The following NELL2 variants were observed in gnomAD, a reference collection of about 807,000 sequenced individuals.
The protein encoded by NELL2 is protein kinase C-binding protein NELL2.
Under a neutral mutation model 109.6 loss-of-function variants are expected in NELL2, and 41 were observed. That is an observed-to-expected ratio of 0.37 (90% CI 0.29 to 0.49). The LOEUF (loss-of-function observed/expected upper bound fraction) is 0.49. NELL2 is among the 20% of genes least tolerant of loss of function. The pLI, the probability that NELL2 is intolerant of heterozygous loss-of-function variation, is 0.98. For missense variants in NELL2, 900 were observed against 1,008.3 expected, an observed-to-expected ratio of 0.89 and a Z score of 1.45; for synonymous variants, 355 against 344.7, an observed-to-expected ratio of 1.03 and a Z score of -0.33.
chr12:44,704,867 A>G (rs1937774250), intron 11 of NELL2, among the ~76,000 whole-genome samples: 1 of 152,018 alleles, frequency 6.6e-6, no homozygotes, highest in South Asian at 2.1e-4. Flanking sequence ...AAAAATATAA[A>G]AATTATCTGG....
chr12:44,817,124 G>T (rs537805813), intron 2 of NELL2, among the ~76,000 whole-genome samples: 2 of 152,298 alleles, frequency 1.3e-5, no homozygotes, highest in African/African-American at 4.8e-5. Flanking sequence ...CTCATGCACT[G>T]TAAAACATTT....
At chr12:44,842,745 G>A (rs1944264486) in intron 2 of NELL2, among the ~76,000 whole-genome samples, 1 of 150,598 alleles carries the variant, frequency 6.6e-6, no homozygotes, top group African/African-American at 2.5e-5. Flanking sequence ...AGATCATACT[G>A]GATTAGGGTG....
intron 13 of NELL2, among the ~76,000 whole-genome samples, chr12:44,627,132 A>G (rs1946296324): frequency 6.6e-6 from 1 of 152,144 alleles, no homozygotes; most frequent in African/African-American, 2.4e-5. Context: ...CTGACAATAC[A>G]GTCTCCCTAG....
intron 2 of NELL2, among the ~76,000 whole-genome samples, chr12:44,866,205 G>C (rs2658951): frequency 0.81 from 122,669 of 152,126 alleles, 49,818 homozygotes; most frequent in Middle Eastern, 0.94. Flanking sequence ...TTAGCCTCCA[G>C]AATTGTGAGA....
intron 15 of NELL2, among the ~76,000 whole-genome samples, chr12:44,597,206 A>C (rs1197436757): frequency 6.6e-6 from 1 of 152,152 alleles, no homozygotes; most frequent in Non-Finnish European, 1.5e-5. Flanking sequence ...TCCCAAATCC[A>C]CACACTAGTT....
intron 9 of NELL2, among the ~76,000 whole-genome samples, chr12:44,763,315 C>A (rs897394848): frequency 6.6e-6 from 1 of 152,090 alleles, no homozygotes; most frequent in Admixed American, 6.6e-5. Context: ...CATTGCTTTG[C>A]CGTAAAAGGT....
chr12:44,814,117 C>A (rs533161685), intron 3 of NELL2, among the ~76,000 whole-genome samples: 38 of 152,144 alleles, frequency 2.5e-4, no homozygotes, highest in African/African-American at 8.0e-4. Flanking sequence ...GGAAACAGAC[C>A]CATTGAAATG....
chr12:44,675,420 T>C (rs1176631309), intron 12 of NELL2, among the ~76,000 whole-genome samples: 2 of 152,128 alleles, frequency 1.3e-5, no homozygotes, highest in African/African-American at 4.8e-5. Context: ...TCTACCACAT[T>C]TAAAAAGCAA....
At chr12:44,688,574 G>A (rs562648673) in intron 12 of NELL2, among the ~76,000 whole-genome samples, 119 of 152,202 alleles carry the variant, frequency 7.8e-4, no homozygotes, top group South Asian at 3.1e-3. Flanking sequence ...AACAATTTTC[G>A]CAAGTTCCCA....
chr12:44,594,606 A>C (rs1160390677), intron 15 of NELL2, among the ~76,000 whole-genome samples: 1 of 152,138 alleles, frequency 6.6e-6, no homozygotes, highest in Non-Finnish European at 1.5e-5. Context: ...AATGACTATA[A>C]CAAGTATAGA....
At chr12:44,905,714 C>T (rs546652561) in intron 1 of NELL2, among the ~76,000 whole-genome samples, 3 of 152,040 alleles carry the variant, frequency 2.0e-5, no homozygotes, top group Non-Finnish European at 4.4e-5. Context: ...GTTCATACAA[C>T]CTGGAAATAA....
intron 2 of NELL2, among the ~76,000 whole-genome samples, chr12:44,855,366 T>G (rs1010489747): frequency 1.3e-5 from 2 of 152,198 alleles, no homozygotes; most frequent in African/African-American, 4.8e-5. Context: ...AAACCACTGA[T>G]CATCAAGCTG....
intron 12 of NELL2, among the ~76,000 whole-genome samples, chr12:44,667,936 A>T (rs1379360088): frequency 3.3e-5 from 5 of 152,180 alleles, no homozygotes; most frequent in Non-Finnish European, 5.9e-5. Context: ...AATCCATAGG[A>T]TGGCATTGTT....
intron 9 of NELL2, among the ~76,000 whole-genome samples, chr12:44,715,869 C>T (rs1938458729): frequency 6.6e-6 from 1 of 152,092 alleles, no homozygotes. Context: ...TTGTCTCACT[C>T]TTTGGAATTT....
intron 9 of NELL2, among the ~76,000 whole-genome samples, chr12:44,755,192 T>C (rs977506224): frequency 2.0e-5 from 3 of 151,550 alleles, no homozygotes; most frequent in African/African-American, 7.3e-5. Flanking sequence ...ACATGCCCCA[T>C]GGACTTCCCA....
intron 1 of NELL2, among the ~76,000 whole-genome samples, chr12:44,891,021 C>T (rs1232114499): frequency 1.3e-5 from 2 of 152,216 alleles, no homozygotes; most frequent in Non-Finnish European, 2.9e-5. Context: ...TAAGCCACCG[C>T]ACCCAGCAGG....
At chr12:44,915,732 A>G (rs1945823822), upstream of NELL2, among the ~76,000 whole-genome samples, 1 of 152,236 alleles carries the variant, frequency 6.6e-6, no homozygotes, top group Admixed American at 6.5e-5. Flanking sequence ...CAGCCATTAG[A>G]ATGCAGAACA....
chr12:44,733,461 G>A (rs910073515), intron 9 of NELL2, among the ~76,000 whole-genome samples: 5 of 151,842 alleles, frequency 3.3e-5, no homozygotes, highest in African/African-American at 9.7e-5. Flanking sequence ...AGTAACAACA[G>A]GAGAAATACT....
At chr12:44,538,734 T>C (rs1184116713) in intron 15 of NELL2, among the ~76,000 whole-genome samples, 1 of 152,286 alleles carries the variant, frequency 6.6e-6, no homozygotes. Flanking sequence ...TAAAGAAGCA[T>C]GTTTTCTTAA....
Sources: allele counts gnomAD v4.1 joint callset (sites outside exome capture counted in the v4.1 genomes callset), GRCh38; gene constraint gnomAD v4.1.1; transcripts MANE v1.5; gene names NCBI Gene and HGNC (gene_info 2026-07-23, HGNC 2026-07-21).